Variants in AOPEP observed in about 807,000 individuals in gnomAD.
The protein encoded by AOPEP is aminopeptidase O (putative).
In AOPEP, 77 loss-of-function variants were observed where a neutral mutation model predicts 98.1. The ratio of observed to expected loss-of-function variants is 0.78; its 90% CI spans 0.65 to 0.95. The LOEUF (loss-of-function observed/expected upper bound fraction) is 0.95. Ranked by LOEUF, AOPEP falls within the 40% of genes least tolerant of loss-of-function variation. AOPEP has a pLI of 0.00. For synonymous variants in AOPEP, 346 were observed against 365.3 expected (o/e 0.95, Z 0.60); for missense variants, 1,024 against 1,024.7 (o/e 1.00, Z 0.01).
chr9:94,804,958 G>A (rs999653466), intron 5 of AOPEP, among the ~76,000 whole-genome samples: 2 of 152,148 alleles, frequency 1.3e-5, no homozygotes, highest in Admixed American at 6.5e-5. Context: ...AAAGCACTCC[G>A]GTCCACAGGC....
the AOPEP span, chr9:95,135,513 G>A: frequency 6.2e-7 from 1 of 1,613,018 alleles, no homozygotes; most frequent in Non-Finnish European, 8.5e-7. Flanking sequence ...CTTTCAGAAA[G>A]AAATAAACAA....
chr9:94,964,480 A>G (rs1452629734), intron 9 of AOPEP, among the ~76,000 whole-genome samples: 1 of 152,190 alleles, frequency 6.6e-6, no homozygotes, highest in Non-Finnish European at 1.5e-5. Context: ...CCTGCTTCTC[A>G]TGCAATTAAA....
At chr9:95,056,384 G>T (rs1245357054) in intron 13 of AOPEP, 1 of 152,416 alleles carries the variant, frequency 6.6e-6, no homozygotes, top group African/African-American at 2.4e-5. Context: ...CTGGTCTCTT[G>T]TCACAGGCCC....
At chr9:94,876,759 CAG>C (rs2046996250) in intron 5 of AOPEP, among the ~76,000 whole-genome samples, 2 of 152,136 alleles carry the variant, frequency 1.3e-5, no homozygotes, top group Middle Eastern at 3.2e-3. Context: ...GTAACAAAAT[CAG>C]GGGAGAGATA....
At chr9:94,872,886 C>G (rs1462702902) in intron 5 of AOPEP, among the ~76,000 whole-genome samples, 2 of 152,110 alleles carry the variant, frequency 1.3e-5, no homozygotes, top group Non-Finnish European at 2.9e-5. Context: ...CGGGAGGCAT[C>G]CAGAGAGCTT....
intron 5 of AOPEP, among the ~76,000 whole-genome samples, chr9:94,874,696 G>A (rs2046722440): frequency 6.6e-6 from 1 of 152,114 alleles, no homozygotes. Flanking sequence ...GGAACTCAGT[G>A]TGATGAAGGC....
At chr9:94,912,127 GT>G (rs1306992648) in intron 5 of AOPEP, among the ~76,000 whole-genome samples, 1 of 152,160 alleles carries the variant, frequency 6.6e-6, no homozygotes, top group Admixed American at 6.5e-5. Context: ...ACTTGTGGTG[GT>G]TTGTTGCAGC....
At chr9:94,894,743 C>A (rs550537477) in intron 5 of AOPEP, among the ~76,000 whole-genome samples, 3 of 152,192 alleles carry the variant, frequency 2.0e-5, no homozygotes, top group East Asian at 3.9e-4. Flanking sequence ...TTAGACAGAA[C>A]AATAACATAC....
chr9:94,853,859 AC>A (rs2043861866), intron 5 of AOPEP, among the ~76,000 whole-genome samples: 1 of 152,202 alleles, frequency 6.6e-6, no homozygotes, highest in Non-Finnish European at 1.5e-5. Flanking sequence ...TCCATGGTAC[AC>A]GCATGGAGAA....
intron 5 of AOPEP, among the ~76,000 whole-genome samples, chr9:94,843,437 G>C (rs1280546728): frequency 6.6e-6 from 1 of 152,134 alleles, no homozygotes; most frequent in East Asian, 1.9e-4. Flanking sequence ...TAGTTTGCTG[G>C]GTCTGTGTCA....
chr9:95,111,002 G>C, the AOPEP span: 1 of 1,429,854 alleles, frequency 7.0e-7, no homozygotes, highest in Non-Finnish European at 9.1e-7. Flanking sequence ...GTAATGTGAG[G>C]ATCTGTTGAC....
chr9:94,895,332 C>G (rs1253342938), intron 5 of AOPEP, among the ~76,000 whole-genome samples: 1 of 146,068 alleles, frequency 6.8e-6, no homozygotes, highest in African/African-American at 2.6e-5. Context: ...CCTGGAAAGT[C>G]AAGGCTAAAG....
In AOPEP at chr9:94,773,018, G is replaced by C. The variant is rs775230810; in HGVS notation, c.814G>C (p.Val272Leu). The change falls in exon 3 of 17, where the codon GTG becomes CTG. Residue 272 changes from valine (V) to leucine (L), a missense_variant. By Grantham distance (32) the Val-to-Leu change is conservative. Coordinates refer to ENST00000375315, the MANE Select transcript of AOPEP (RefSeq NM_001193329.3). ...CTTCTGCAGGCCATGTGTTTATACTGTGGGATCTCCCATAAACAACAGGGC... is the reference window on the plus strand; with the variant it reads ...CTTCTGCAGGCCATGTGTTTATACTCTGGGATCTCCCATAAACAACAGGGC... ...DQSGRPCVYTVGSPINNRALF... is the reference protein window; with the variant it reads ...DQSGRPCVYTLGSPINNRALF... The C allele has an allele frequency of 6.2e-7, 1 of 1,612,400 alleles. No homozygotes were observed. The highest frequency in any genetic ancestry group is 8.5e-7 in the Non-Finnish European group (1 of 1,179,224).
intron 3 of AOPEP, among the ~76,000 whole-genome samples, chr9:94,792,393 T>C (rs930067679): frequency 2.0e-5 from 3 of 152,190 alleles, no homozygotes; most frequent in Non-Finnish European, 2.9e-5. Flanking sequence ...CAGGTATCAA[T>C]TGAGCATTTT....
chr9:95,082,322 G>A (rs973926174), intron 15 of AOPEP, among the ~76,000 whole-genome samples: 1 of 152,246 alleles, frequency 6.6e-6, no homozygotes, highest in Non-Finnish European at 1.5e-5. Flanking sequence ...TCTGTCACCA[G>A]TGAAATCGTC....
At chr9:95,081,379 G>A (rs1055008040) in intron 15 of AOPEP, among the ~76,000 whole-genome samples, 3 of 152,222 alleles carry the variant, frequency 2.0e-5, no homozygotes, top group African/African-American at 7.2e-5. Context: ...ACACGTCACA[G>A]CCTCCCACGC....
chr9:94,965,795 G>A (rs940988689), intron 9 of AOPEP, among the ~76,000 whole-genome samples: 2 of 151,132 alleles, frequency 1.3e-5, no homozygotes, highest in African/African-American at 4.9e-5. Flanking sequence ...GTCCTGTGTA[G>A]AGTCTGTATT....
chr9:95,090,623 G>C (rs372875663), downstream of AOPEP, among the ~76,000 whole-genome samples: 2 of 152,270 alleles, frequency 1.3e-5, no homozygotes, highest in South Asian at 4.1e-4. Context: ...CCCTGGGGCC[G>C]GCCTAGAAAG....
intron 14 of AOPEP, among the ~76,000 whole-genome samples, chr9:95,079,415 A>AT (rs1379419907): frequency 6.6e-6 from 1 of 152,260 alleles, no homozygotes; most frequent in Non-Finnish European, 1.5e-5. Context: ...ACAAGGGGTG[A>AT]TAGAAGGAGG....
Sources: gnomAD v4.1 joint callset for allele counts (sites outside exome capture counted in the v4.1 genomes callset) on GRCh38, gnomAD v4.1.1 for gene constraint, MANE v1.5 for transcripts, NCBI Gene and HGNC (gene_info 2026-07-23, HGNC 2026-07-21) for gene names.